Variants in HERC5 observed in about 807,000 individuals in gnomAD.
HERC5 encodes HECT and RLD domain containing E3 ubiquitin protein ligase 5.
Under a neutral mutation model 119.6 loss-of-function variants are expected in HERC5, and 99 were observed. That is an observed-to-expected ratio of 0.83 (90% CI 0.70 to 0.98). HERC5 has a LOEUF of 0.98. HERC5 is among the 50% of genes least tolerant of loss of function. The pLI is 0.00. For missense variants in HERC5, 1,267 were observed against 1,241.3 expected, an observed-to-expected ratio of 1.02 and a Z score of -0.31; for synonymous variants, 478 against 445.9, an observed-to-expected ratio of 1.07 and a Z score of -0.91.
chr4:88,495,874 A>G (rs1169581215), intron 18 of HERC5, among the ~76,000 whole-genome samples: 3 of 152,248 alleles, frequency 2.0e-5, no homozygotes, highest in Admixed American at 1.3e-4. Context: ...ATAATTAACA[A>G]TGTACATGAA....
rs1478789045 is a variant in HERC5, at chr4:88,459,329, G to C, written c.266-18G>C. On this transcript the variant is annotated intron_variant, in intron 1 of 22. Transcript: ENST00000264350. ...ATAATCAAAGTGACAATAGTTCCTG[G>C]TTGGATTTGCTCTGTAGAATGCATT... is the stretch of plus-strand genomic sequence containing the variant. The C allele has an allele frequency of 7.1e-6, 11 of 1,543,078 alleles. No individual in the cohort carries two copies. The African/African-American group carries it at 1.4e-4, about 20-fold the overall frequency.
At chr4:88,494,672 TATTTC>T (rs1578065409) in intron 18 of HERC5, among the ~76,000 whole-genome samples, 1 of 152,194 alleles carries the variant, frequency 6.6e-6, no homozygotes, top group African/African-American at 2.4e-5. Context: ...AATGGAAACT[TATTTC>T]TAAGTTAAAA....
At chr4:88,491,116 T>C (rs937448378) in intron 16 of HERC5, among the ~76,000 whole-genome samples, 1 of 152,176 alleles carries the variant, frequency 6.6e-6, no homozygotes, top group African/African-American at 2.4e-5. Context: ...ACTGAGGTTT[T>C]ATGAGGTTGG....
rs910874848 is a variant in HERC5 at position 88,494,176 on chromosome 4, G to A, written c.2289G>A (p.Glu763=). The A allele has an allele frequency of 2.5e-6, 4 of 1,602,146 alleles. No homozygotes were observed. Among genetic ancestry groups the A allele is most frequent in the Non-Finnish European group, 1.7e-6 (2 of 1,176,146 alleles). The change falls in exon 18 of 23, where the codon GAG becomes GAA. Residue 763 remains glutamate, a synonymous_variant. Coordinates refer to ENST00000264350, the MANE Select transcript of HERC5 (RefSeq NM_016323.4). ...CMWFPVKPKF[E]KKRYFFFGVL... The stretch of plus-strand genomic sequence containing the variant: ...TTTTCGCTTTTCAGCCTAAATTTGA[G>A]AAGAAAAGATACTTCTTTTTTGGGG...
chr4:88,471,030 T>C (rs985412263), intron 10 of HERC5, among the ~76,000 whole-genome samples: 1 of 152,054 alleles, frequency 6.6e-6, no homozygotes, highest in Admixed American at 6.6e-5. Flanking sequence ...TTAATGCAGT[T>C]CTGTGATCTT....
intron 12 of HERC5, among the ~76,000 whole-genome samples, chr4:88,476,514 TTG>T (rs1185520037): frequency 6.6e-6 from 1 of 152,254 alleles, no homozygotes; most frequent in Non-Finnish European, 1.5e-5. Flanking sequence ...AATAAGTATG[TTG>T]TCATTTGTGC....
intron 16 of HERC5, among the ~76,000 whole-genome samples, chr4:88,492,356 A>G (rs1056977316): frequency 1.3e-5 from 2 of 152,010 alleles, no homozygotes; most frequent in African/African-American, 4.8e-5. Flanking sequence ...TCTGGTGACT[A>G]TAATAGTGAT....
chr4:88,459,357 A>G lies in HERC5; in HGVS notation c.276A>G (p.Lys92=). 4.4e-6 allele frequency: 7 copies of G among 1,585,028 alleles called. No individual in the cohort carries two copies. Among genetic ancestry groups the G allele is most frequent in the Non-Finnish European group, 6.0e-6 (7 of 1,170,290 alleles). The change falls in exon 2 of 23, where the codon AAA becomes AAG. Residue 92 remains lysine (K), a synonymous_variant. Transcript: ENST00000264350. ...GGATTTGCTCTGTAGAATGCATTAA[A>G]TTAGGAAAAAACATGAAGATACATT... is the stretch of plus-strand genomic sequence containing the variant. ...SGGARTPKCI[K]LGKNMKIHSV... is the part of the protein sequence containing the mutation.
chr4:88,459,520 T>G (rs748861994), intron 2 of HERC5, 50 bp downstream of exon 2: 1 of 1,145,038 alleles, frequency 8.7e-7, no homozygotes, highest in Non-Finnish European at 1.2e-6. Flanking sequence ...CAAAAGACAA[T>G]AATAATTTCT....
chr4:88,493,711 A>G (rs796550779), intron 17 of HERC5, among the ~76,000 whole-genome samples: 1 of 152,084 alleles, frequency 6.6e-6, no homozygotes, highest in African/African-American at 2.4e-5. Flanking sequence ...AGCTCAAGCC[A>G]TTCTCTTGCC....
chr4:88,468,577 C>T (rs756270691), intron 8 of HERC5, among the ~76,000 whole-genome samples, 155 bp downstream of exon 8: 1 of 152,180 alleles, frequency 6.6e-6, no homozygotes, highest in Non-Finnish European at 1.5e-5. Context: ...GTCTAAACTA[C>T]ATCAGTATTT....
In HERC5 at chr4:88,463,998, G is replaced by C. The variant is rs557403053; in HGVS notation, c.911+13G>C. 5 of 1,606,262 alleles carry C rather than the reference G, an allele frequency of 3.1e-6. No individual in the cohort carries two copies. In the Admixed American group the frequency reaches 8.5e-5, roughly 27 times the overall value. ...TAGCATGTGGAAGGTAAGTTGTAAA[G>C]TATCAATAAGAATTGATAAAATGAG... On this transcript the variant is annotated intron_variant, in intron 6 of 22. Transcript: ENST00000264350.
Position 88,500,992 on chromosome 4 carries a change from A to G in HERC5, c.2582+7A>G, listed in dbSNP as rs1425113674. 6.3e-7 allele frequency: 1 copy of G among 1,594,056 alleles called. No individual in the cohort carries two copies. The highest frequency in any genetic ancestry group is 8.6e-7 in the Non-Finnish European group (1 of 1,166,474). On this transcript the variant is annotated splice_region_variant and intron_variant, in intron 20 of 22. Coordinates refer to ENST00000264350, the MANE Select transcript of HERC5 (RefSeq NM_016323.4). ...CTGTCAACCAGACTAACAAGTAGGT[A>G]CAAAAAATGAAATAGTTGGTTTGTA...
At chr4:88,479,276 C>G in intron 12 of HERC5, 77 bp from the exon 13 acceptor site, 1 of 1,227,652 alleles carries the variant, frequency 8.1e-7, no homozygotes, top group Non-Finnish European at 1.1e-6. Flanking sequence ...CAGGGTGAGA[C>G]TCTGTCTCAA....
intron 20 of HERC5, among the ~76,000 whole-genome samples, chr4:88,503,290 T>G (rs1479798037): frequency 6.6e-6 from 1 of 152,206 alleles, no homozygotes; most frequent in East Asian, 1.9e-4. Flanking sequence ...TAATGAGGCT[T>G]TAATCCATGA....
At chr4:88,477,900 T>G (rs1207995375) in intron 12 of HERC5, among the ~76,000 whole-genome samples, 1 of 152,186 alleles carries the variant, frequency 6.6e-6, no homozygotes, top group Non-Finnish European at 1.5e-5. Context: ...TCTGTAAGAG[T>G]TAAACACCTC....
chr4:88,481,526 C>T (rs1038396508), intron 13 of HERC5, among the ~76,000 whole-genome samples: 1 of 151,608 alleles, frequency 6.6e-6, no homozygotes, highest in Non-Finnish European at 1.5e-5. Context: ...TTTGTCTGTC[C>T]GTTTCTTTAT....
chr4:88,460,273 C>T, intron 3 of HERC5, 102 bp downstream of exon 3: 1 of 556,848 alleles, frequency 1.8e-6, no homozygotes, highest in Non-Finnish European at 3.2e-6. Context: ...GACAGAAATA[C>T]AGTTTTGAAT....
At chr4:88,462,966 A>G (rs981652067) in intron 4 of HERC5, among the ~76,000 whole-genome samples, 2 of 152,202 alleles carry the variant, frequency 1.3e-5, no homozygotes, top group Non-Finnish European at 2.9e-5. Flanking sequence ...GTGGTACTGT[A>G]TGCATTACCC....
Sources: gnomAD v4.1 joint callset for allele counts (sites outside exome capture counted in the v4.1 genomes callset) on GRCh38, gnomAD v4.1.1 for gene constraint, MANE v1.5 for transcripts, NCBI Gene and HGNC (gene_info 2026-07-23, HGNC 2026-07-21) for gene names.